FEZ2: variants seen among roughly 807,000 people sequenced by gnomAD.
FEZ2 encodes the protein fasciculation and elongation protein zeta-2.
In FEZ2, 51 loss-of-function variants were observed where a neutral mutation model predicts 40.4. The observed-to-expected ratio is 1.26, with a 90% confidence interval of 1.01 to 1.59. FEZ2 has a LOEUF of 1.59. Among genes scored for constraint, FEZ2 ranks in the 40% most tolerant of loss-of-function variants. The probability of loss-of-function intolerance (pLI) is 0.00; values close to 1 mark genes in which losing one functional copy is unlikely to be tolerated. For synonymous variants in FEZ2, 242 were observed against 172.0 expected (o/e 1.41, Z -3.18); for missense variants, 640 against 438.3 (o/e 1.46, Z -4.11).
rs181568113 is a variant in FEZ2, at chr2:36,566,611, C to G, written c.904-8098G>C. On this transcript the variant is annotated intron_variant, in intron 5 of 7. Coordinates refer to ENST00000405912, the MANE Select transcript of FEZ2 (RefSeq NM_005102.3). ...TGCAAAACGCTACAGCGATCATTAC[C>G]AATACCAGTGGGATACTTCCAGATT... Among the ~76,000 whole-genome samples, 9 of 152,278 alleles carry G rather than the reference C, an allele frequency of 5.9e-5. No homozygotes were observed. The East Asian group carries it at 1.7e-3, about 29-fold the overall frequency.
At chr2:36,595,382 A>G (rs2148354237) in intron 1 of FEZ2, among the ~76,000 whole-genome samples, 1 of 152,204 alleles carries the variant, frequency 6.6e-6, no homozygotes, top group South Asian at 2.1e-4. Context: ...ATCATCAAGC[A>G]TTAGATTCTC....
intron 5 of FEZ2, among the ~76,000 whole-genome samples, chr2:36,574,493 A>G (rs1329842054): frequency 6.6e-6 from 1 of 152,204 alleles, no homozygotes; most frequent in Non-Finnish European, 1.5e-5. Flanking sequence ...AAAAAATTGC[A>G]GTATGATACA....
chr2:36,591,173 CA>C, intron 1 of FEZ2, 162 bp from the exon 2 acceptor site: 1 of 605,934 alleles, frequency 1.7e-6, no homozygotes, highest in South Asian at 2.0e-5. Context: ...GTCTCCTAAA[CA>C]AAAACGAGGT....
chr2:36,558,524 TA>T lies in FEZ2; in HGVS notation c.904-12del, dbSNP rs528260265. 45,915 of 1,108,884 alleles carry T rather than the reference TA, an allele frequency of 0.041. 1 individual carries two copies. The highest frequency in any genetic ancestry group is 0.067 in the South Asian group (3,671 of 54,388). 68.7% of individuals were successfully genotyped at this position (1,108,884 alleles called of 1,614,324 possible). On this transcript the variant is annotated splice_polypyrimidine_tract_variant and intron_variant, in intron 5 of 7. Transcript: ENST00000405912. Reference sequence around the variant, plus strand: ...GACTGTAGTCAAATACTGCCAAGTTTAAAAAAAAAAAGTGTCACTTAAATCG... The same window carrying T: ...GACTGTAGTCAAATACTGCCAAGTTTAAAAAAAAAAGTGTCACTTAAATCG...
At chr2:36,579,120 T>C in intron 4 of FEZ2, 1 of 415,744 alleles carries the variant, frequency 2.4e-6, no homozygotes, top group Non-Finnish European at 4.2e-6. Flanking sequence ...CTAACAAAAG[T>C]TTTTACTTGT....
At chr2:36,585,006 C>T (rs568600609) in intron 2 of FEZ2, among the ~76,000 whole-genome samples, 1 of 152,104 alleles carries the variant, frequency 6.6e-6, no homozygotes, top group Non-Finnish European at 1.5e-5. Flanking sequence ...TCTTACTGCA[C>T]CATCAGCCTA....
At chr2:36,561,148 C>G (rs1413565949) in intron 5 of FEZ2, among the ~76,000 whole-genome samples, 1 of 152,180 alleles carries the variant, frequency 6.6e-6, no homozygotes, top group Non-Finnish European at 1.5e-5. Flanking sequence ...GTAAGTTGTA[C>G]ACATATTTGT....
intron 5 of FEZ2, among the ~76,000 whole-genome samples, chr2:36,575,613 C>A (rs774533695): frequency 1.3e-5 from 2 of 152,178 alleles, no homozygotes; most frequent in Non-Finnish European, 2.9e-5. Context: ...CAATCAAAAT[C>A]ATATTTCACT....
chr2:36,597,883 C>G lies in FEZ2; in HGVS notation c.260G>C (p.Gly87Ala). 6 of 1,373,802 alleles carry G rather than the reference C, an allele frequency of 4.4e-6. No individual in the cohort carries two copies. Among genetic ancestry groups the G allele is most frequent in the Non-Finnish European group, 4.7e-6 (5 of 1,070,406 alleles). 85.1% of individuals were successfully genotyped at this position (1,373,802 alleles called of 1,614,324 possible). ...RPITERSLLQGDEIWNALTDN... is the reference protein window; with the variant it reads ...RPITERSLLQADEIWNALTDN... Reference sequence around the variant, plus strand: ...GCCGGGGCCCCGCACTCACTCGTCCCCCTGCAGGAGGCTGCGCTCCGTGAT... The same window carrying G: ...GCCGGGGCCCCGCACTCACTCGTCCGCCTGCAGGAGGCTGCGCTCCGTGAT... The change falls in exon 1 of 8, where the codon GGG becomes GCG. Residue 87 changes from glycine to alanine, a missense_variant. By Grantham distance (60) the Gly-to-Ala change is moderately conservative (BLOSUM62 0). Coordinates refer to ENST00000405912, the MANE Select transcript of FEZ2 (RefSeq NM_005102.3).
chr2:36,565,599 G>A (rs1668214701), intron 5 of FEZ2, among the ~76,000 whole-genome samples: 1 of 152,040 alleles, frequency 6.6e-6, no homozygotes, highest in Admixed American at 6.6e-5. Context: ...TGACCTCCGG[G>A]TGCAACTCAG....
At chr2:36,593,847 T>G (rs777810018) in intron 1 of FEZ2, among the ~76,000 whole-genome samples, 6 of 151,738 alleles carry the variant, frequency 4.0e-5, no homozygotes, top group Non-Finnish European at 7.4e-5. Context: ...AAAATGGGTT[T>G]TTTTTTTTTC....
intron 1 of FEZ2, chr2:36,591,526 G>A (rs1464495530): frequency 3.3e-5 from 5 of 152,516 alleles, no homozygotes; most frequent in Admixed American, 3.3e-4. Context: ...TCAAACAAAA[G>A]GTTTGTTATC....
At chr2:36,575,404 G>A (rs771104491) in intron 5 of FEZ2, among the ~76,000 whole-genome samples, 2 of 151,996 alleles carry the variant, frequency 1.3e-5, no homozygotes, top group Admixed American at 6.6e-5. Context: ...GCCCAGTCTG[G>A]CCTCAAACTC....
chr2:36,555,680 C>G lies in FEZ2; in HGVS notation c.1045+3G>C. On this transcript the variant is annotated splice_donor_region_variant and intron_variant, in intron 7 of 7. Transcript: ENST00000405912. ...ATCGCACCTATACCATTATAAAACTCACCTTTCAGAATATAATCAGTTAAC... is the reference window on the plus strand; with the variant it reads ...ATCGCACCTATACCATTATAAAACTGACCTTTCAGAATATAATCAGTTAAC... The G allele has an allele frequency of 6.3e-7, 1 of 1,574,964 alleles. No homozygotes were observed. The highest frequency in any genetic ancestry group is 8.6e-7 in the Non-Finnish European group (1 of 1,156,194).
chr2:36,592,176 T>C (rs1352755873), intron 1 of FEZ2, among the ~76,000 whole-genome samples: 1 of 152,208 alleles, frequency 6.6e-6, no homozygotes, highest in Non-Finnish European at 1.5e-5. Flanking sequence ...AAAATGTTTA[T>C]TAGGTATCTA....
intron 1 of FEZ2, chr2:36,591,274 TTA>T: frequency 2.1e-6 from 1 of 470,652 alleles, no homozygotes. Flanking sequence ...AACACTTCCA[TTA>T]TATTAGGTGC....
rs1313880842 is a variant in FEZ2 at position 36,552,302 on chromosome 2, G to C, written c.*861C>G. On this transcript the variant is annotated 3_prime_UTR_variant, in exon 8 of 8. Transcript: ENST00000405912. Reference sequence around the variant, plus strand: ...TTATTAAATGCCATTGATTTGACTGGAACCAGCAAAAGTGCTCATGATATT... The same window carrying C: ...TTATTAAATGCCATTGATTTGACTGCAACCAGCAAAAGTGCTCATGATATT... 5 of 427,004 alleles carry C rather than the reference G, an allele frequency of 1.2e-5. No individual in the cohort carries two copies. The highest frequency in any genetic ancestry group is 1.0e-4 in the African/African-American group (5 of 48,166). 26.5% of individuals were successfully genotyped at this position (427,004 alleles called of 1,614,324 possible). A position where few individuals can be genotyped will look rare whatever the true frequency, so the allele number is the denominator to read the frequency against.
intron 2 of FEZ2, among the ~76,000 whole-genome samples, chr2:36,588,049 G>C (rs1011579112): frequency 1.3e-5 from 2 of 151,238 alleles, no homozygotes; most frequent in Non-Finnish European, 2.9e-5. Flanking sequence ...TATTTTTTGA[G>C]ACAGAGTCTC....
chr2:36,555,094 C>G (rs1286347556), intron 7 of FEZ2, among the ~76,000 whole-genome samples: 1 of 152,198 alleles, frequency 6.6e-6, no homozygotes, highest in South Asian at 2.1e-4. Flanking sequence ...CAACCTCTCA[C>G]TCTTCTTTTG....
Sources: gnomAD v4.1 joint callset for allele counts (sites outside exome capture counted in the v4.1 genomes callset) on GRCh38, gnomAD v4.1.1 for gene constraint, MANE v1.5 for transcripts, NCBI Gene and HGNC (gene_info 2026-07-23, HGNC 2026-07-21) for gene names.